AGPAT4: variants seen among roughly 807,000 people sequenced by gnomAD.
AGPAT4 encodes 1-acyl-sn-glycerol-3-phosphate acyltransferase delta.
Under a neutral mutation model 48.0 loss-of-function variants are expected in AGPAT4, and 15 were observed. That is an observed-to-expected ratio of 0.31 (90% CI 0.21 to 0.48). AGPAT4 has a LOEUF of 0.48. AGPAT4 is among the 20% of genes least tolerant of loss of function. The pLI is 0.99. For missense variants in AGPAT4, 314 were observed against 482.5 expected (o/e 0.65, Z 3.27); for synonymous variants, 178 against 198.7 (o/e 0.90, Z 0.88).
At chr6:161,194,592 GTA>G (rs1167513805) in intron 2 of AGPAT4, among the ~76,000 whole-genome samples, 4 of 151,730 alleles carry the variant, frequency 2.6e-5, no homozygotes, top group African/African-American at 9.7e-5. Context: ...ATATGTGTAT[GTA>G]TGTATGTGTG....
In AGPAT4 at chr6:161,223,724, A is replaced by G. The variant is rs1190631610; in HGVS notation, c.178+8312T>C. 6.6e-6 allele frequency among the ~76,000 whole-genome samples: 1 copy of G among 152,172 alleles called. No homozygotes were observed. The highest frequency in any genetic ancestry group is 1.5e-5 in the Non-Finnish European group (1 of 68,032). On this transcript the variant is annotated intron_variant, in intron 2 of 8. Coordinates refer to ENST00000320285, the MANE Select transcript of AGPAT4 (RefSeq NM_020133.3). This position sits in a 1 kb window ranked among gnomAD's most constrained non-coding sequence, Gnocchi z 6.3. ...CTTACTACACTGACCAGTTGGACAC[A>G]TGGCCTCACCTCCAGAGCTTGGCTC... is the stretch of plus-strand genomic sequence containing the variant.
chr6:161,247,298 TAA>T (rs1436366783), intron 1 of AGPAT4, among the ~76,000 whole-genome samples: 2 of 152,210 alleles, frequency 1.3e-5, no homozygotes, highest in Non-Finnish European at 2.9e-5. Flanking sequence ...TCTTGAAAGG[TAA>T]AGTCACTCCA....
intron 2 of AGPAT4, among the ~76,000 whole-genome samples, chr6:161,228,805 C>G (rs1782051560): frequency 6.6e-6 from 1 of 152,036 alleles, no homozygotes; most frequent in Non-Finnish European, 1.5e-5. Context: ...GAAGCCGGCT[C>G]CATCCTCCCT....
At chr6:161,156,753 GT>G (rs1187651582) in intron 3 of AGPAT4, among the ~76,000 whole-genome samples, 1 of 152,244 alleles carries the variant, frequency 6.6e-6, no homozygotes, top group Non-Finnish European at 1.5e-5. Flanking sequence ...ACACTGGAAG[GT>G]TGTGGGTTTA....
intron 2 of AGPAT4, among the ~76,000 whole-genome samples, chr6:161,181,315 G>A (rs1234048469): frequency 6.6e-6 from 1 of 152,116 alleles, no homozygotes; most frequent in Admixed American, 6.5e-5. Flanking sequence ...TGCAGGTTCT[G>A]TTGTGGTGCC....
rs1782240412 is a variant in AGPAT4, at chr6:161,235,175, A to G, written c.-89-2873T>C. 6.6e-6 allele frequency among the ~76,000 whole-genome samples: 1 copy of G among 152,090 alleles called. No homozygotes were observed. Among genetic ancestry groups the G allele is most frequent in the South Asian group, 2.1e-4 (1 of 4,832 alleles). On this transcript the variant is annotated intron_variant, in intron 1 of 8. Coordinates refer to ENST00000320285, the MANE Select transcript of AGPAT4 (RefSeq NM_020133.3). The surrounding 1 kb of genome is among the most constrained non-coding windows in gnomAD (Gnocchi z 6.2). ...TGTCTCTTATTAGTTGTGTATTGGT[A>G]CCCTATTTTGGGCACATTAACTATT...
chr6:161,225,061 G>C lies in AGPAT4; in HGVS notation c.178+6975C>G, dbSNP rs550710773. 6.7e-6 allele frequency among the ~76,000 whole-genome samples: 1 copy of C among 148,448 alleles called. No homozygotes were observed. The highest frequency in any genetic ancestry group is 2.5e-5 in the African/African-American group (1 of 39,250). On this transcript the variant is annotated intron_variant, in intron 2 of 8. Transcript: ENST00000320285. The surrounding 1 kb of genome is among the most constrained non-coding windows in gnomAD (Gnocchi z 5.0). ...TACCTGCTCCACCCTGACTCATTCC[G>C]ATTACCTGCTTCACCCTGACTCATT...
rs944031873 is a variant in AGPAT4 at position 161,243,742 on chromosome 6, A to G, written c.-89-11440T>C. Among the ~76,000 whole-genome samples the G allele has an allele frequency of 2.6e-5, 4 of 152,124 alleles. No homozygotes were observed. Among genetic ancestry groups the G allele is most frequent in the South Asian group, 2.1e-4 (1 of 4,818 alleles). On this transcript the variant is annotated intron_variant, in intron 1 of 8. Transcript: ENST00000320285. The surrounding 1 kb of genome is among the most constrained non-coding windows in gnomAD (Gnocchi z 4.8). ...CTTGACCCCTTCTCCCTGGCCCCCA[A>G]CCATCACCAGCTTTTCTTACTCACT... is the stretch of plus-strand genomic sequence containing the variant.
rs1780214272 is a variant in AGPAT4, at chr6:161,169,877, A to G, written c.179-3460T>C. 6.6e-6 allele frequency among the ~76,000 whole-genome samples: 1 copy of G among 152,168 alleles called. No individual in the cohort carries two copies. Among genetic ancestry groups the G allele is most frequent in the African/African-American group, 2.4e-5 (1 of 41,430 alleles). On this transcript the variant is annotated intron_variant, in intron 2 of 8. Transcript: ENST00000320285. This position sits in a 1 kb window ranked among gnomAD's most constrained non-coding sequence, Gnocchi z 5.0. ...TTGGGAGGTTTGCAAGGTGGAAAGG[A>G]AATACCACCATTTTGTAGGTCACAC...
At position 161,208,876 on chromosome 6, in the gene AGPAT4, A is replaced by C. The variant is rs1053322460; in HGVS notation, c.178+23160T>G. On this transcript the variant is annotated intron_variant, in intron 2 of 8. Transcript: ENST00000320285. The surrounding 1 kb of genome is among the most constrained non-coding windows in gnomAD (Gnocchi z 4.6). ...TGCACAGCTGCCTAACAGGAAAAAA[A>C]TCATTAATAATCAGGTGAAACAATG... 3.3e-5 allele frequency among the ~76,000 whole-genome samples: 5 copies of C among 152,228 alleles called. No homozygotes were observed. The highest frequency in any genetic ancestry group is 1.2e-4 in the African/African-American group (5 of 41,456).
At chr6:161,211,221 C>A (rs150934685) in intron 2 of AGPAT4, among the ~76,000 whole-genome samples, 3 of 152,098 alleles carry the variant, frequency 2.0e-5, no homozygotes, top group Non-Finnish European at 2.9e-5. Context: ...TACTTGTAGA[C>A]AAACTCATCA....
rs559039500 is a variant in AGPAT4 at position 161,159,374 on chromosome 6, G to A, written c.349-5064C>T. 6.6e-6 allele frequency among the ~76,000 whole-genome samples: 1 copy of A among 152,304 alleles called. No homozygotes were observed. The highest frequency in any genetic ancestry group is 2.4e-5 in the African/African-American group (1 of 41,578). On this transcript the variant is annotated intron_variant, in intron 3 of 8. Coordinates refer to ENST00000320285, the MANE Select transcript of AGPAT4 (RefSeq NM_020133.3). This position sits in a 1 kb window ranked among gnomAD's most constrained non-coding sequence, Gnocchi z 4.1. ...TCAATGCTGGTTATGATTACCTGTG[G>A]CCTTGAGGTGCCCAGAGTCTAGTGG...
rs2072911055 is a variant in AGPAT4 at position 161,131,471 on chromosome 6, T to G, written c.*5069A>C. ...CCTAATTATTCTTAAGAAAGGTGGT[T>G]CTTTTTTAGAAAAGGGAAGCAGAAG... On this transcript the variant is annotated 3_prime_UTR_variant, in exon 9 of 9. Transcript: ENST00000320285. The G allele has an allele frequency of 6.6e-6, 1 of 152,650 alleles. No homozygotes were observed. The highest frequency in any genetic ancestry group is 1.5e-5 in the Non-Finnish European group (1 of 68,370). The allele number at this position is 152,650 out of a possible 1,614,324, so 9.5% of individuals were successfully genotyped here.
chr6:161,195,756 G>A lies in AGPAT4; in HGVS notation c.179-29339C>T, dbSNP rs575100566. 1.3e-5 allele frequency among the ~76,000 whole-genome samples: 2 copies of A among 152,246 alleles called. No homozygotes were observed. Among genetic ancestry groups the A allele is most frequent in the African/African-American group, 4.8e-5 (2 of 41,476 alleles). ...AAACTACACATGCAGAGAACCTGGA[G>A]ACATTTAGGGAGGCATGCCACACCC... On this transcript the variant is annotated intron_variant, in intron 2 of 8. Transcript: ENST00000320285. The surrounding 1 kb of genome is among the most constrained non-coding windows in gnomAD (Gnocchi z 5.0).
At chr6:161,209,142 CGAA>C (rs1434056662) in intron 2 of AGPAT4, among the ~76,000 whole-genome samples, 1 of 152,204 alleles carries the variant, frequency 6.6e-6, no homozygotes, top group Non-Finnish European at 1.5e-5. Flanking sequence ...CATTCCTCAT[CGAA>C]GTGGAACTTT....
In AGPAT4 at chr6:161,259,006, A is replaced by T. The variant is rs1783026322; in HGVS notation, c.-90+14932T>A. Reference sequence around the variant, plus strand: ...AGAGACAGGGTTTCATCATACAGGCAAGGCTGGTATCAAACTCCTGACCTC... The same window carrying T: ...AGAGACAGGGTTTCATCATACAGGCTAGGCTGGTATCAAACTCCTGACCTC... On this transcript the variant is annotated intron_variant, in intron 1 of 8. Coordinates refer to ENST00000320285, the MANE Select transcript of AGPAT4 (RefSeq NM_020133.3). The surrounding 1 kb of genome is among the most constrained non-coding windows in gnomAD (Gnocchi z 4.9). Among the ~76,000 whole-genome samples, 1 of 151,756 alleles carries T rather than the reference A, an allele frequency of 6.6e-6. No individual in the cohort carries two copies. The highest frequency in any genetic ancestry group is 2.1e-4 in the South Asian group (1 of 4,778).
rs1236089523 is a variant in AGPAT4 at position 161,223,466 on chromosome 6, A to G, written c.178+8570T>C. ...TGTTCGGCCTTAGGCAAGTCATCCA[A>G]CCTCTCGCCTCATTTAACAGGTGAA... On this transcript the variant is annotated intron_variant, in intron 2 of 8. Coordinates refer to ENST00000320285, the MANE Select transcript of AGPAT4 (RefSeq NM_020133.3). This position sits in a 1 kb window ranked among gnomAD's most constrained non-coding sequence, Gnocchi z 6.3. Among the ~76,000 whole-genome samples, 1 of 152,098 alleles carries G rather than the reference A, an allele frequency of 6.6e-6. No homozygotes were observed. Among genetic ancestry groups the G allele is most frequent in the Admixed American group, 6.5e-5 (1 of 15,274 alleles).
intron 2 of AGPAT4, among the ~76,000 whole-genome samples, chr6:161,199,388 C>A (rs78978564): frequency 0.011 from 1,650 of 152,210 alleles, 40 homozygotes; most frequent in African/African-American, 0.038. Context: ...AGAGCAGAGA[C>A]CCAGTTATCT....
Position 161,232,787 on chromosome 6 carries a change from C to T in AGPAT4, c.-89-485G>A, listed in dbSNP as rs117996185. Among the ~76,000 whole-genome samples, 17 of 152,266 alleles carry T rather than the reference C, an allele frequency of 1.1e-4. No homozygotes were observed. The highest frequency in any genetic ancestry group is 1.9e-4 in the Non-Finnish European group (13 of 68,018). ...CTCCTCCAGATCCCTGCTCACCCCT[C>T]GCTTCCAGCAGGACTGCCCTAAAGT... On this transcript the variant is annotated intron_variant, in intron 1 of 8. Transcript: ENST00000320285. The surrounding 1 kb of genome is among the most constrained non-coding windows in gnomAD (Gnocchi z 6.8).
Sources: gnomAD v4.1 joint callset for allele counts (sites outside exome capture counted in the v4.1 genomes callset) on GRCh38, gnomAD v4.1.1 for gene constraint, Gnocchi (gnomAD v3.1) non-coding constraint, MANE v1.5 for transcripts, NCBI Gene and HGNC (gene_info 2026-07-23, HGNC 2026-07-21) for gene names.